MYRFL: variants seen among roughly 807,000 people sequenced by gnomAD.
The protein encoded by MYRFL is myelin regulatory factor like, also known as myelin regulatory factor-like protein.
MYRFL carries 88 observed loss-of-function variants against 109.4 expected under a neutral mutation model. The ratio of observed to expected loss-of-function variants is 0.80; its 90% CI spans 0.68 to 0.96. The LOEUF is 0.96. Ranked by LOEUF, MYRFL falls within the 40% of genes least tolerant of loss-of-function variation. The pLI is 0.00. For synonymous variants in MYRFL, 324 were observed against 320.9 expected (o/e 1.01, Z -0.10); for missense variants, 957 against 954.9 (o/e 1.00, Z -0.03).
Position 69,879,073 on chromosome 12 carries a change from A to C in MYRFL, c.183A>C (p.Ser61=), listed in dbSNP as rs1260862016. 2 of 702,926 alleles carry C rather than the reference A, an allele frequency of 2.8e-6. No individual in the cohort carries two copies. Among genetic ancestry groups the C allele is most frequent in the Non-Finnish European group, 5.2e-6 (2 of 384,830 alleles). The allele number at this position is 702,926 out of a possible 1,614,324, so 43.5% of individuals were successfully genotyped here. Residue 61 remains serine (S), a synonymous_variant, in exon 3 of 25, where the codon TCA becomes TCC. Coordinates refer to ENST00000552032, the MANE Select transcript of MYRFL (RefSeq NM_182530.3). ...CCCCGCCCTATTCTGCATCCGACTC[A>C]TGCTCTCCTCCGCAGGTCAAAGGTG... ...PDTPPYSASD[S]CSPPQVKGAC...
At chr12:69,854,211 G>A (rs973642530) in intron 1 of MYRFL, among the ~76,000 whole-genome samples, 22 of 152,204 alleles carry the variant, frequency 1.4e-4, no homozygotes, top group African/African-American at 2.6e-4. Context: ...CAGGCGTGGC[G>A]GCGCGTGCCT....
At chr12:69,855,206 A>T in intron 1 of MYRFL, 74 bp from the exon 2 acceptor site, 1 of 657,982 alleles carries the variant, frequency 1.5e-6, no homozygotes. Context: ...GACCTTAAAG[A>T]TTTGTCAGTG....
intron 5 of MYRFL, among the ~76,000 whole-genome samples, chr12:69,882,072 C>T (rs943082709): frequency 6.6e-6 from 1 of 152,156 alleles, no homozygotes; most frequent in African/African-American, 2.4e-5. Context: ...GAGTTAAGCT[C>T]CATCCTGCGA....
chr12:69,904,960 G>T (rs1954308389), intron 11 of MYRFL, among the ~76,000 whole-genome samples: 2 of 152,190 alleles, frequency 1.3e-5, no homozygotes, highest in African/African-American at 4.8e-5. Context: ...TTGCTTAGAG[G>T]ATTCCAAAGA....
chr12:69,837,582 A>C (rs562200857), intron 1 of MYRFL, among the ~76,000 whole-genome samples: 1 of 152,206 alleles, frequency 6.6e-6, no homozygotes, highest in Non-Finnish European at 1.5e-5. Flanking sequence ...GGTAAAACCC[A>C]TCTCCTTCAT....
chr12:69,886,689 AC>A, intron 5 of MYRFL, 130 bp from the exon 6 acceptor site: 1 of 1,097,172 alleles, frequency 9.1e-7, no homozygotes, highest in South Asian at 1.6e-5. Flanking sequence ...CACACCTCCT[AC>A]CCCCAGCACA....
intron 2 of MYRFL, among the ~76,000 whole-genome samples, chr12:69,871,272 G>T (rs1444575115): frequency 1.5e-5 from 2 of 131,968 alleles, no homozygotes; most frequent in African/African-American, 2.8e-5. Flanking sequence ...TTGCTCTGTC[G>T]CCCAGGCTGG....
chr12:69,839,338 T>C (rs905790406), intron 1 of MYRFL, among the ~76,000 whole-genome samples: 1 of 152,218 alleles, frequency 6.6e-6, no homozygotes, highest in Non-Finnish European at 1.5e-5. Flanking sequence ...ACTGCAACTC[T>C]TCTTTGCAAC....
intron 2 of MYRFL, among the ~76,000 whole-genome samples, chr12:69,859,432 G>C (rs895254474): frequency 1.3e-4 from 20 of 152,334 alleles, no homozygotes; most frequent in Non-Finnish European, 2.1e-4. Flanking sequence ...GACAGTGACA[G>C]AAATGTTGAA....
Position 69,903,765 on chromosome 12 carries a change from T to TGTG in MYRFL, c.1305_1306insTGG (p.Leu435_Val436insTrp). On this transcript the variant is annotated inframe_insertion, in exon 11 of 25. Coordinates refer to ENST00000552032, the MANE Select transcript of MYRFL (RefSeq NM_182530.3). ...AACACAGATGCGCCGGACGAAGCCC[T>TGTG]GGTTGTCTGTGGCAACATGAAAGTG... 1 of 1,535,840 alleles carries TGTG rather than the reference T, an allele frequency of 6.5e-7. No individual in the cohort carries two copies. Among genetic ancestry groups the TGTG allele is most frequent in the Middle Eastern group, 1.7e-4 (1 of 5,984 alleles).
At position 69,958,509 on chromosome 12, in the gene MYRFL, A is replaced by ACTT. The variant is rs1161421392; in HGVS notation, c.2714_2716dup (p.Phe905dup). The ACTT allele has an allele frequency of 6.5e-7, 1 of 1,534,332 alleles. No homozygotes were observed. Among genetic ancestry groups the ACTT allele is most frequent in the Admixed American group, 2.0e-5 (1 of 50,814 alleles). ...ATATTCTTCACCGATTACTTCTTTT[A>ACTT]CTTCTATCGACGCTGTGCCTAATTT... On this transcript the variant is annotated inframe_insertion, in exon 25 of 25. Coordinates refer to ENST00000552032, the MANE Select transcript of MYRFL (RefSeq NM_182530.3).
At chr12:69,870,099 CTTTTTTTTTTTT>C (rs754843682) in intron 2 of MYRFL, among the ~76,000 whole-genome samples, 5 of 81,330 alleles carry the variant, frequency 6.1e-5, no homozygotes, top group East Asian at 7.4e-4. Context: ...ATTTTTCTTC[CTTTTTTTTTTTT>C]TTTTTTTTTT....
At chr12:69,834,571 T>C (rs1473160749) in intron 1 of MYRFL, among the ~76,000 whole-genome samples, 1 of 152,200 alleles carries the variant, frequency 6.6e-6, no homozygotes, top group Non-Finnish European at 1.5e-5. Context: ...AACGTTAAAA[T>C]GACAGAATAA....
intron 22 of MYRFL, 89 bp from the exon 23 acceptor site, chr12:69,957,733 C>T: frequency 7.1e-7 from 1 of 1,401,602 alleles, no homozygotes; most frequent in South Asian, 1.6e-5. Flanking sequence ...AGTTACGTTC[C>T]CATTAGATCC....
chr12:69,865,156 A>G (rs1414980290), intron 2 of MYRFL, among the ~76,000 whole-genome samples: 4 of 152,238 alleles, frequency 2.6e-5, no homozygotes, highest in Non-Finnish European at 5.9e-5. Flanking sequence ...TAAACAATTT[A>G]CTTAATTAAA....
chr12:69,877,276 G>A lies in MYRFL; in HGVS notation c.138-1752G>A, dbSNP rs1277242789. The stretch of plus-strand genomic sequence containing the variant: ...CTGACCTCGTGATCCGCCCGCCTCC[G>A]CCTCCCAAAGTGCTGGGATTACAGG... On this transcript the variant is annotated intron_variant, in intron 2 of 24. Transcript: ENST00000552032. 2.6e-5 allele frequency among the ~76,000 whole-genome samples: 4 copies of A among 151,966 alleles called. No homozygotes were observed. In the South Asian group the frequency reaches 6.2e-4, roughly 24 times the overall value.
At chr12:69,891,615 C>CTT (rs1566002094) in intron 7 of MYRFL, among the ~76,000 whole-genome samples, 72 of 113,086 alleles carry the variant, frequency 6.4e-4, no homozygotes, top group Non-Finnish European at 8.2e-4. Context: ...CTCTTTCTTT[C>CTT]TTTCTTTCCT....
At chr12:69,828,791 C>A (rs1020675648) in intron 1 of MYRFL, among the ~76,000 whole-genome samples, 16 of 152,110 alleles carry the variant, frequency 1.1e-4, no homozygotes, top group African/African-American at 3.9e-4. Context: ...TAGCTATAAT[C>A]TTAGACTCTT....
At chr12:69,958,020 C>G (rs1382875974) in intron 23 of MYRFL, 78 bp downstream of exon 23, 1 of 1,481,672 alleles carries the variant, frequency 6.7e-7, no homozygotes. Context: ...CCCTCCCTGG[C>G]CAACCCTAGT....
Sources: gnomAD v4.1 joint callset for allele counts (sites outside exome capture counted in the v4.1 genomes callset) on GRCh38, gnomAD v4.1.1 for gene constraint, MANE v1.5 for transcripts, NCBI Gene and HGNC (gene_info 2026-07-23, HGNC 2026-07-21) for gene names.